The following ZFYVE28 variants were observed in gnomAD, a reference collection of about 807,000 sequenced individuals.
The protein encoded by ZFYVE28 is zinc finger FYVE-type containing 28, also known as lateral signaling target protein 2 homolog.
In ZFYVE28, 40 loss-of-function variants were observed where a neutral mutation model predicts 82.1. The ratio of observed to expected loss-of-function variants is 0.49; its 90% confidence interval spans 0.38 to 0.63. The LOEUF (loss-of-function observed/expected upper bound fraction) is 0.63. ZFYVE28 is among the 30% of genes least tolerant of loss of function. ZFYVE28 has a pLI of 0.00. For synonymous variants in ZFYVE28, 612 were observed against 546.1 expected, an observed-to-expected ratio of 1.12 and a Z score of -1.68; for missense variants, 1,321 against 1,242.1, an observed-to-expected ratio of 1.06 and a Z score of -0.96.
intron 4 of ZFYVE28, among the ~76,000 whole-genome samples, chr4:2,337,888 A>ACACACACACACACC (rs1390610932): frequency 4.2e-4 from 64 of 151,348 alleles, no homozygotes; most frequent in African/African-American, 1.5e-3. Flanking sequence ...ACACACACAC[A>ACACACACACACACC]CCCTACACCA....
At chr4:2,398,737 A>AAT in intron 1 of ZFYVE28, among the ~76,000 whole-genome samples, 10 of 3,544 alleles carry the variant, frequency 2.8e-3, no homozygotes, top group Non-Finnish European at 4.8e-3. Context: ...TCGAGGGCAC[A>AAT]AGGGGGGTAT....
At position 2,275,786 on chromosome 4, in the gene ZFYVE28, C is replaced by T. The variant is rs572524338; in HGVS notation, c.2052-1570G>A. On this transcript the variant is annotated intron_variant, in intron 8 of 12. Transcript: ENST00000290974. ...TCTACACTCTGGAGCCCGGTGGCCT[C>T]TGTTGCCGGCATACACTGGAAACGC... Among the ~76,000 whole-genome samples, 31 of 152,378 alleles carry T rather than the reference C, an allele frequency of 2.0e-4. No individual in the cohort carries two copies. In the East Asian group the frequency reaches 5.6e-3, roughly 27 times the overall value.
chr4:2,367,461 T>C (rs534090732), intron 1 of ZFYVE28, among the ~76,000 whole-genome samples: 64 of 152,320 alleles, frequency 4.2e-4, no homozygotes, highest in African/African-American at 1.5e-3. Flanking sequence ...GGGAACGCAG[T>C]CCGGTCAACT....
chr4:2,388,175 C>T (rs1729473721), intron 1 of ZFYVE28, among the ~76,000 whole-genome samples: 1 of 152,240 alleles, frequency 6.6e-6, no homozygotes, highest in Non-Finnish European at 1.5e-5. Flanking sequence ...GGGCTGCTCT[C>T]CTAAATTGTC....
intron 5 of ZFYVE28, among the ~76,000 whole-genome samples, chr4:2,336,669 T>TTAGGTG (rs1721753782): frequency 8.0e-6 from 1 of 125,446 alleles, no homozygotes; most frequent in Admixed American, 9.4e-5. Context: ...GGAGTGAGGA[T>TTAGGTG]GTGAGGATTG....
intron 7 of ZFYVE28, 42 bp from the exon 8 acceptor site, chr4:2,305,578 C>T: frequency 1.2e-6 from 2 of 1,610,440 alleles, no homozygotes; most frequent in South Asian, 2.2e-5. Context: ...GTCCCAAAAG[C>T]CACACCAGCC....
chr4:2,270,935 A>G, intron 12 of ZFYVE28, 79 bp from the exon 13 acceptor site: 1 of 1,540,698 alleles, frequency 6.5e-7, no homozygotes, highest in Non-Finnish European at 8.8e-7. Context: ...CCACACACCT[A>G]CCCACCCAGC....
At chr4:2,340,330 C>T (rs952932838) in intron 3 of ZFYVE28, among the ~76,000 whole-genome samples, 4 of 151,922 alleles carry the variant, frequency 2.6e-5, no homozygotes, top group East Asian at 1.9e-4. Context: ...CCCCAGCGTG[C>T]GCTCAGCAAC....
intron 1 of ZFYVE28, among the ~76,000 whole-genome samples, chr4:2,379,023 T>C (rs1728452404): frequency 6.6e-6 from 1 of 152,156 alleles, no homozygotes; most frequent in Non-Finnish European, 1.5e-5. Context: ...GGCATCCTGG[T>C]GAGCCACTGG....
intron 1 of ZFYVE28, among the ~76,000 whole-genome samples, chr4:2,398,663 C>T (rs146562403): frequency 2.1e-4 from 29 of 135,052 alleles, no homozygotes; most frequent in African/African-American, 7.4e-4. Context: ...ATCGAGGGTA[C>T]GAGGAGGAGC....
intron 1 of ZFYVE28, among the ~76,000 whole-genome samples, chr4:2,401,152 G>T (rs1731130661): frequency 6.6e-6 from 1 of 152,178 alleles, no homozygotes; most frequent in Non-Finnish European, 1.5e-5. Flanking sequence ...GTTCCCAGGG[G>T]AAACATTTGC....
In ZFYVE28 at chr4:2,305,125, G is replaced by A. The variant is rs746175453; in HGVS notation, c.1215C>T (p.Asp405=). ...CCAGGGCTTCTGCCGTCCCCTCCAC[G>A]TCATCCATGAAGAACACGCGCTCCT... ...DEEERVFFMD[D]VEGTAEALAR... Residue 405 remains aspartate (D), a synonymous_variant, in exon 8 of 13, where the codon GAC becomes GAT. Transcript: ENST00000290974. 6.5e-5 allele frequency: 103 copies of A among 1,593,364 alleles called. No individual in the cohort carries two copies. The highest frequency in any genetic ancestry group is 2.3e-4 in the African/African-American group (17 of 74,562).
At chr4:2,322,838 A>G (rs1046343873) in intron 6 of ZFYVE28, among the ~76,000 whole-genome samples, 3 of 152,222 alleles carry the variant, frequency 2.0e-5, no homozygotes, top group African/African-American at 4.8e-5. Flanking sequence ...ATGGAATCAC[A>G]TAATACGTGA....
At chr4:2,301,870 C>G (rs1403385180) in intron 8 of ZFYVE28, among the ~76,000 whole-genome samples, 1 of 152,192 alleles carries the variant, frequency 6.6e-6, no homozygotes, top group East Asian at 1.9e-4. Context: ...TGCTGCATCT[C>G]AAAAACGGCC....
At chr4:2,333,397 G>A (rs1364662952) in intron 6 of ZFYVE28, among the ~76,000 whole-genome samples, 1 of 151,450 alleles carries the variant, frequency 6.6e-6, no homozygotes, top group Non-Finnish European at 1.5e-5. Flanking sequence ...ACCAGCAGGT[G>A]GACTGAGGTC....
At chr4:2,333,822 T>C (rs573526046) in intron 6 of ZFYVE28, among the ~76,000 whole-genome samples, 2 of 152,358 alleles carry the variant, frequency 1.3e-5, no homozygotes, top group African/African-American at 2.4e-5. Context: ...TTCTGTTTTT[T>C]AAACAAAGAG....
chr4:2,293,896 G>C (rs573334121), intron 8 of ZFYVE28, among the ~76,000 whole-genome samples: 1 of 152,146 alleles, frequency 6.6e-6, no homozygotes, highest in South Asian at 2.1e-4. Flanking sequence ...GGATTCATCT[G>C]ACAAAAGATG....
intron 1 of ZFYVE28, among the ~76,000 whole-genome samples, chr4:2,387,419 C>G (rs1466497625): frequency 6.6e-6 from 1 of 152,234 alleles, no homozygotes; most frequent in East Asian, 1.9e-4. Context: ...GCAGGAGACC[C>G]AAGTCCAGGC....
chr4:2,418,135 G>C lies in ZFYVE28; in HGVS notation c.39+150C>G. 1 of 629,562 alleles carries C rather than the reference G, an allele frequency of 1.6e-6. No homozygotes were observed. The highest frequency in any genetic ancestry group is 2.5e-6 in the Non-Finnish European group (1 of 406,534). 39.0% of individuals were successfully genotyped at this position (629,562 alleles called of 1,614,324 possible). On this transcript the variant is annotated intron_variant, in intron 1 of 12. Transcript: ENST00000290974. The surrounding 1 kb of genome is among the most constrained non-coding windows in gnomAD (Gnocchi z 4.6). ...GACAGGGCGATGAAGATCTGTCCAAGTCTTGGAGTGGAGGGAAGGATGTCG... is the reference window on the plus strand; with the variant it reads ...GACAGGGCGATGAAGATCTGTCCAACTCTTGGAGTGGAGGGAAGGATGTCG...
Sources: allele counts gnomAD v4.1 joint callset (sites outside exome capture counted in the v4.1 genomes callset), GRCh38; gene constraint gnomAD v4.1.1; non-coding constraint Gnocchi (gnomAD v3.1); transcripts MANE v1.5; gene names NCBI Gene and HGNC (gene_info 2026-07-23, HGNC 2026-07-21).